The following CCDC32 variants were observed in gnomAD, a reference collection of about 807,000 sequenced individuals.
CCDC32 encodes the protein coiled-coil domain-containing protein 32.
In CCDC32, 9 loss-of-function variants were observed where a neutral mutation model predicts 20.1. The observed-to-expected ratio is 0.45, with a 90% confidence interval of 0.27 to 0.78. The LOEUF is 0.78. Ranked by LOEUF, CCDC32 falls within the 30% of genes least tolerant of loss-of-function variation. CCDC32 has a pLI of 0.16. For missense variants in CCDC32, 204 were observed against 215.5 expected (o/e 0.95, Z 0.33); for synonymous variants, 63 against 79.0 (o/e 0.80, Z 1.07).
At chr15:40,529,888 C>T (rs1163241505) in intron 3 of CCDC32, among the ~76,000 whole-genome samples, 1 of 151,182 alleles carries the variant, frequency 6.6e-6, no homozygotes, top group Non-Finnish European at 1.5e-5. Flanking sequence ...GTCTCGATCT[C>T]CTGACCTTGT....
chr15:40,539,282 C>T, exon 4 of CCDC32: 5 of 1,535,632 alleles, frequency 3.3e-6, no homozygotes, highest in Non-Finnish European at 4.4e-6. Flanking sequence ...CACCTCTGCT[C>T]AGCACACTGG....
chr15:40,524,008 T>C (rs567226690), downstream of CCDC32, among the ~76,000 whole-genome samples: 7 of 152,318 alleles, frequency 4.6e-5, no homozygotes, highest in South Asian at 1.5e-3. Context: ...GCTGTTTTAT[T>C]CACAGTAGCC....
chr15:40,522,530 C>T, the CCDC32 span, among the ~76,000 whole-genome samples: 1 of 152,222 alleles, frequency 6.6e-6, no homozygotes, highest in Non-Finnish European at 1.5e-5. Context: ...TGCAATGAAT[C>T]TGTAGATCAT....
chr15:40,527,861 T>A (rs1373295241), downstream of CCDC32, among the ~76,000 whole-genome samples: 2 of 152,200 alleles, frequency 1.3e-5, no homozygotes, highest in Non-Finnish European at 2.9e-5. Context: ...GAAATACACT[T>A]CTTTTCTTTA....
At chr15:40,521,929 G>C in the CCDC32 span, among the ~76,000 whole-genome samples, 1 of 151,930 alleles carries the variant, frequency 6.6e-6, no homozygotes, top group East Asian at 1.9e-4. Context: ...CCTTCCTATT[G>C]GTGTTCTTTG....
chr15:40,553,575 A>G lies in CCDC32; in HGVS notation c.*396T>C, dbSNP rs1013740060. The G allele has an allele frequency of 9.4e-5, 94 of 995,544 alleles. No homozygotes were observed. The highest frequency in any genetic ancestry group is 1.1e-4 in the Non-Finnish European group (92 of 836,830). 61.7% of individuals were successfully genotyped at this position (995,544 alleles called of 1,614,324 possible). On this transcript the variant is annotated 3_prime_UTR_variant, in exon 4 of 4. Transcript: ENST00000416810. ...GAATGTCCGGAAGAGGCAAGAAAAT[A>G]TATGGCTCACTTAACTTACACATTA...
downstream of CCDC32, chr15:40,535,797 G>T: frequency 3.1e-6 from 1 of 325,844 alleles, no homozygotes; most frequent in Non-Finnish European, 4.4e-6. Flanking sequence ...TCCCTGAAAT[G>T]CTCTGCACAC....
At chr15:40,530,072 A>T (rs999531082), downstream of CCDC32, among the ~76,000 whole-genome samples, 1 of 150,758 alleles carries the variant, frequency 6.6e-6, no homozygotes, top group Non-Finnish European at 1.5e-5. Flanking sequence ...TGGGTGGATC[A>T]CCTGAGGTCA....
At chr15:40,546,218 G>T (rs1177833977) in intron 3 of CCDC32, among the ~76,000 whole-genome samples, 15 of 148,014 alleles carry the variant, frequency 1.0e-4, no homozygotes, top group East Asian at 2.0e-4. Context: ...CTGAGATAGG[G>T]TCTCACCCTG....
downstream of CCDC32, among the ~76,000 whole-genome samples, chr15:40,523,672 ATATAAAAAGGG>A (rs1894862157): frequency 6.6e-6 from 1 of 152,204 alleles, no homozygotes; most frequent in Admixed American, 6.5e-5. Flanking sequence ...ATTAAATAGG[ATATAAAAAGGG>A]TCAATAAACA....
rs188603659 is a variant in CCDC32 at position 40,541,863 on chromosome 15, G to T, written c.402-2508C>A. On this transcript the variant is annotated intron_variant, in intron 3 of 3. Coordinates refer to the CCDC32 transcript ENST00000558113. ...TCCAACCCAAGAGTCTGTCCCTCAG[G>T]GTTGAGCTAAGATAAGAACTGTTGG... is the stretch of plus-strand genomic sequence containing the variant. Among the ~76,000 whole-genome samples the T allele has an allele frequency of 1.8e-4, 28 of 152,340 alleles. No homozygotes were observed. The East Asian group carries it at 4.8e-3, about 26-fold the overall frequency.
chr15:40,536,780 A>G (rs1446003366), downstream of CCDC32: 2 of 152,278 alleles, frequency 1.3e-5, no homozygotes, highest in Non-Finnish European at 2.9e-5. Context: ...TCACACTACA[A>G]GCCAGTTCAT....
chr15:40,564,880 G>A (rs1232710046), intron 1 of CCDC32, 96 bp downstream of exon 1: 21 of 1,465,322 alleles, frequency 1.4e-5, no homozygotes, highest in Non-Finnish European at 1.6e-5. Context: ...TGTCTGGACG[G>A]GATGAATCAG....
chr15:40,550,266 GCTGT>G (rs1889798018), downstream of CCDC32, among the ~76,000 whole-genome samples: 1 of 152,120 alleles, frequency 6.6e-6, no homozygotes, highest in East Asian at 1.9e-4. Context: ...GCTCTAACTT[GCTGT>G]CTATTTCACT....
chr15:40,540,738 T>C (rs28421335), intron 3 of CCDC32, among the ~76,000 whole-genome samples: 1,753 of 152,266 alleles, frequency 0.012, 29 homozygotes, highest in African/African-American at 0.04. Context: ...CAGTCTCTCA[T>C]CTATCCTAAC....
At chr15:40,535,580 A>G, downstream of CCDC32, 2 of 984,482 alleles carry the variant, frequency 2.0e-6, no homozygotes, top group Non-Finnish European at 2.4e-6. Flanking sequence ...GTCTTCAGGC[A>G]CTTCATGGTT....
At position 40,553,899 on chromosome 15, in the gene CCDC32, G is replaced by T; in HGVS notation, c.*72C>A. 1 of 1,492,898 alleles carries T rather than the reference G, an allele frequency of 6.7e-7. No individual in the cohort carries two copies. 92.5% of individuals were successfully genotyped at this position (1,492,898 alleles called of 1,614,324 possible). A position where few individuals can be genotyped will look rare whatever the true frequency, so the allele number is the denominator to read the frequency against. On this transcript the variant is annotated 3_prime_UTR_variant, in exon 4 of 4. Transcript: ENST00000416810. Reference sequence around the variant, plus strand: ...TGCTCGCTCTGGACCCGAGACAGCTGCTCGGCGTGTGTGTGTGTGTGTGTG... The same window carrying T: ...TGCTCGCTCTGGACCCGAGACAGCTTCTCGGCGTGTGTGTGTGTGTGTGTG...
At chr15:40,545,472 C>CTTTTA (rs1555414198) in intron 3 of CCDC32, among the ~76,000 whole-genome samples, 3 of 151,700 alleles carry the variant, frequency 2.0e-5, no homozygotes, top group Non-Finnish European at 2.9e-5. Context: ...GAAAAGAAAA[C>CTTTTA]CTTTAGAGCA....
chr15:40,553,597 A>G lies in CCDC32; in HGVS notation c.*374T>C. 3 of 1,014,722 alleles carry G rather than the reference A, an allele frequency of 3.0e-6. No individual in the cohort carries two copies. Among genetic ancestry groups the G allele is most frequent in the Non-Finnish European group, 3.5e-6 (3 of 849,502 alleles). The allele number at this position is 1,014,722 out of a possible 1,614,324, so 62.9% of individuals were successfully genotyped here. A position where few individuals can be genotyped will look rare whatever the true frequency, so the allele number is the denominator to read the frequency against. On this transcript the variant is annotated 3_prime_UTR_variant, in exon 4 of 4. Coordinates refer to ENST00000416810, the MANE Select transcript of CCDC32 (RefSeq NM_001080792.4). The stretch of plus-strand genomic sequence containing the variant: ...AATATATGGCTCACTTAACTTACAC[A>G]TTACACATAAGAGGCCTCAGTTTCT...
Sources: allele counts gnomAD v4.1 joint callset (sites outside exome capture counted in the v4.1 genomes callset), GRCh38; gene constraint gnomAD v4.1.1; transcripts MANE v1.5; gene names NCBI Gene and HGNC (gene_info 2026-07-23, HGNC 2026-07-21).